PTPRD: variants seen among roughly 807,000 people sequenced by gnomAD.
The protein encoded by PTPRD is protein tyrosine phosphatase receptor type D.
PTPRD carries 34 observed loss-of-function variants against 214.5 expected under a neutral mutation model. The ratio of observed to expected loss-of-function variants is 0.16; its 90% CI spans 0.12 to 0.21. PTPRD has a LOEUF of 0.21. Among genes scored for constraint, PTPRD ranks in the 10% least tolerant of loss-of-function variants. PTPRD has a pLI of 1.00. For missense variants in PTPRD, 2,545 were observed against 2,398.7 expected, an observed-to-expected ratio of 1.06 and a Z score of -1.27; for synonymous variants, 1,128 against 845.7, an observed-to-expected ratio of 1.33 and a Z score of -5.79.
chr9:8,743,113 A>AG (rs1391310331), intron 11 of PTPRD, among the ~76,000 whole-genome samples: 17 of 93,738 alleles, frequency 1.8e-4, no homozygotes, highest in Admixed American at 7.2e-4. Context: ...TTAAAAAAAA[A>AG]AGGGGGGGGG....
intron 9 of PTPRD, among the ~76,000 whole-genome samples, chr9:9,230,127 C>A (rs1487192495): frequency 6.6e-6 from 1 of 151,970 alleles, no homozygotes; most frequent in Non-Finnish European, 1.5e-5. Flanking sequence ...TTTTGTTATT[C>A]ATAAGCAAAT....
intron 7 of PTPRD, among the ~76,000 whole-genome samples, chr9:9,633,114 G>T (rs1372146551): frequency 6.6e-6 from 1 of 152,078 alleles, no homozygotes; most frequent in Non-Finnish European, 1.5e-5. Flanking sequence ...GGCCAACATG[G>T]TGAAATCCTG....
intron 9 of PTPRD, among the ~76,000 whole-genome samples, chr9:9,385,558 A>G (rs2063613722): frequency 6.6e-6 from 1 of 152,170 alleles, no homozygotes; most frequent in African/African-American, 2.4e-5. Flanking sequence ...TTCAGTGAGC[A>G]AGTATTTCAT....
rs187119452 is a variant in PTPRD at position 9,021,450 on chromosome 9, G to A, written c.-142-2715C>T. On this transcript the variant is annotated intron_variant, in intron 10 of 45. Coordinates refer to ENST00000381196, the MANE Select transcript of PTPRD (RefSeq NM_002839.4). ...AGTACTTGATAATAAATGATCAATG[G>A]TATTAATACTTGATAATCAATGACT... 3.9e-4 allele frequency among the ~76,000 whole-genome samples: 60 copies of A among 152,184 alleles called. No homozygotes were observed. In the East Asian group the frequency reaches 8.1e-3, roughly 21 times the overall value.
At chr9:10,089,815 C>G (rs1217295787) in intron 3 of PTPRD, among the ~76,000 whole-genome samples, 1 of 151,600 alleles carries the variant, frequency 6.6e-6, no homozygotes, top group Non-Finnish European at 1.5e-5. Context: ...TCGGGGCAAC[C>G]AGAAAACTTG....
In PTPRD at chr9:8,385,978, G is replaced by T. The variant is rs539481025; in HGVS notation, c.4386+3254C>A. On this transcript the variant is annotated intron_variant, in intron 37 of 45. Transcript: ENST00000381196. ...AGAGAAATAAACTCTTTTCATTTGG[G>T]AACACAGAGTGAATTATTTGGAGGC... 3.3e-5 allele frequency among the ~76,000 whole-genome samples: 5 copies of T among 152,272 alleles called. 1 individual carries two copies. Among genetic ancestry groups the T allele is most frequent in the Admixed American group, 6.5e-5 (1 of 15,290 alleles).
chr9:9,907,178 G>A (rs201436524), intron 5 of PTPRD, among the ~76,000 whole-genome samples: 30 of 52,130 alleles, frequency 5.8e-4, no homozygotes, highest in African/African-American at 1.7e-3. Flanking sequence ...TTTGTTTTGC[G>A]GTGGCAAACA....
chr9:9,452,770 A>T (rs1342124651), intron 8 of PTPRD, among the ~76,000 whole-genome samples: 1 of 151,434 alleles, frequency 6.6e-6, no homozygotes, highest in East Asian at 1.9e-4. Flanking sequence ...CCTAAAGGAA[A>T]ATGTAAAATA....
At chr9:9,101,832 G>T (rs2099791849) in intron 10 of PTPRD, among the ~76,000 whole-genome samples, 1 of 152,120 alleles carries the variant, frequency 6.6e-6, no homozygotes, top group Non-Finnish European at 1.5e-5. Flanking sequence ...CATACATATA[G>T]AAAATCTTAT....
intron 14 of PTPRD, among the ~76,000 whole-genome samples, chr9:8,540,533 C>T (rs1054242039): frequency 1.3e-5 from 2 of 152,136 alleles, no homozygotes; most frequent in East Asian, 1.9e-4. Flanking sequence ...ACATAATGCA[C>T]GTTTATTATT....
intron 5 of PTPRD, among the ~76,000 whole-genome samples, chr9:9,852,837 G>T (rs1189548479): frequency 6.6e-6 from 1 of 152,220 alleles, no homozygotes; most frequent in Non-Finnish European, 1.5e-5. Flanking sequence ...GGGAAGTTTA[G>T]TGGTTTCTCT....
chr9:9,923,160 A>G (rs1198127320), intron 5 of PTPRD, among the ~76,000 whole-genome samples: 1 of 141,554 alleles, frequency 7.1e-6, no homozygotes, highest in East Asian at 1.9e-4. Flanking sequence ...ATGTACAGAA[A>G]AAGGAAGCAA....
At chr9:8,698,346 C>A (rs114257521) in intron 12 of PTPRD, among the ~76,000 whole-genome samples, 1 of 152,098 alleles carries the variant, frequency 6.6e-6, no homozygotes, top group Non-Finnish European at 1.5e-5. Flanking sequence ...ACAGCGAAGA[C>A]GACAGTTAGT....
intron 6 of PTPRD, among the ~76,000 whole-genome samples, chr9:9,737,511 T>C (rs1228421492): frequency 2.0e-5 from 3 of 152,172 alleles, no homozygotes; most frequent in African/African-American, 7.2e-5. Flanking sequence ...TCTGATTCTC[T>C]TGTATCTTCT....
intron 2 of PTPRD, among the ~76,000 whole-genome samples, chr9:10,408,426 A>G (rs1202334339): frequency 6.6e-6 from 1 of 151,658 alleles, no homozygotes; most frequent in Non-Finnish European, 1.5e-5. Flanking sequence ...CTTAAATAAG[A>G]AAGTAAATTT....
At chr9:9,703,884 G>C (rs1158329557) in intron 7 of PTPRD, among the ~76,000 whole-genome samples, 139 of 152,074 alleles carry the variant, frequency 9.1e-4, no homozygotes, top group Non-Finnish European at 7.4e-5. Flanking sequence ...ATAATTACTT[G>C]ATTAATTTTA....
chr9:8,378,776 G>A (rs1015443940), intron 37 of PTPRD, among the ~76,000 whole-genome samples: 6 of 151,808 alleles, frequency 4.0e-5, no homozygotes, highest in African/African-American at 1.5e-4. Context: ...TTTAAAACTG[G>A]GACTCGATTA....
intron 5 of PTPRD, among the ~76,000 whole-genome samples, chr9:9,820,229 G>C (rs2153570435): frequency 6.6e-6 from 1 of 152,180 alleles, no homozygotes; most frequent in South Asian, 2.1e-4. Context: ...GCAGTTCTCT[G>C]ATGATCAGTA....
intron 30 of PTPRD, among the ~76,000 whole-genome samples, chr9:8,472,582 A>G (rs1275700641): frequency 2.0e-5 from 3 of 152,226 alleles, no homozygotes; most frequent in Non-Finnish European, 2.9e-5. Flanking sequence ...CCAAACTGGG[A>G]CGCACTGTAA....
Sources: gnomAD v4.1 joint callset for allele counts (sites outside exome capture counted in the v4.1 genomes callset) on GRCh38, gnomAD v4.1.1 for gene constraint, MANE v1.5 for transcripts, NCBI Gene and HGNC (gene_info 2026-07-23, HGNC 2026-07-21) for gene names.